Variants in POLDIP3 observed in about 807,000 individuals in gnomAD.
The protein encoded by POLDIP3 is polymerase delta-interacting protein 3.
Under a neutral mutation model 45.1 loss-of-function variants are expected in POLDIP3, and 14 were observed. The ratio of observed to expected loss-of-function variants is 0.31; its 90% CI spans 0.20 to 0.49. POLDIP3 has a LOEUF of 0.49. Among genes scored for constraint, POLDIP3 ranks in the 20% least tolerant of loss-of-function variants. POLDIP3 has a pLI of 0.99. For synonymous variants in POLDIP3, 223 were observed against 205.2 expected, an observed-to-expected ratio of 1.09 and a Z score of -0.74; for missense variants, 511 against 538.8, an observed-to-expected ratio of 0.95 and a Z score of 0.51.
At chr22:42,586,645 G>C (rs1925332313) in intron 8 of POLDIP3, among the ~76,000 whole-genome samples, 1 of 152,196 alleles carries the variant, frequency 6.6e-6, no homozygotes, top group Non-Finnish European at 1.5e-5. Context: ...AAAACCCTAA[G>C]AAATATTTCT....
intron 8 of POLDIP3, among the ~76,000 whole-genome samples, chr22:42,587,211 T>C (rs76940643): frequency 0.069 from 10,497 of 152,260 alleles, 495 homozygotes; most frequent in Non-Finnish European, 0.1. Flanking sequence ...CCCGGGATGA[T>C]GCACACAGCT....
intron 6 of POLDIP3, among the ~76,000 whole-genome samples, chr22:42,593,845 C>G (rs1022156993): frequency 2.0e-5 from 3 of 152,144 alleles, no homozygotes; most frequent in East Asian, 1.9e-4. Flanking sequence ...AATGACTTGT[C>G]AAGTATTACA....
At position 42,585,002 on chromosome 22, in the gene POLDIP3, G is replaced by A. The variant is rs769018751; in HGVS notation, c.*789C>T. On this transcript the variant is annotated 3_prime_UTR_variant, in exon 9 of 9. Transcript: ENST00000252115. ...GGTGTGGTTAAGTGCCAGGCGAGGT[G>A]AGAACCGGGAGGGCTCACAACACAG... is the stretch of plus-strand genomic sequence containing the variant. The A allele has an allele frequency of 2.2e-6, 1 of 456,358 alleles. No homozygotes were observed. Among genetic ancestry groups the A allele is most frequent in the Non-Finnish European group, 4.4e-6 (1 of 226,974 alleles). 28.3% of individuals were successfully genotyped at this position (456,358 alleles called of 1,614,324 possible). A position where few individuals can be genotyped will look rare whatever the true frequency, so the allele number is the denominator to read the frequency against.
rs776692366 is a variant in POLDIP3 at position 42,585,756 on chromosome 22, C to T, written c.*35G>A. On this transcript the variant is annotated 3_prime_UTR_variant, in exon 9 of 9. Transcript: ENST00000252115. ...GCCTTGGGGAAACAGAGCCACCCTC[C>T]TCTGCCCCCACTTCTGGCTGCCTCA... 2.5e-6 allele frequency: 4 copies of T among 1,595,710 alleles called. No individual in the cohort carries two copies. In the South Asian group the frequency reaches 3.4e-5, roughly 14 times the overall value.
At chr22:42,597,502 A>G (rs1029289826) in intron 4 of POLDIP3, among the ~76,000 whole-genome samples, 9 of 152,160 alleles carry the variant, frequency 5.9e-5, no homozygotes, top group African/African-American at 2.2e-4. Flanking sequence ...TCCTAGATCC[A>G]CTGCTTCTCA....
chr22:42,613,750 C>T (rs1185466314), intron 1 of POLDIP3, among the ~76,000 whole-genome samples: 1 of 152,042 alleles, frequency 6.6e-6, no homozygotes, highest in African/African-American at 2.4e-5. Flanking sequence ...GACAGAGCAA[C>T]ACCCCGTCTC....
At chr22:42,606,319 G>A (rs892341872) in intron 1 of POLDIP3, among the ~76,000 whole-genome samples, 1 of 151,176 alleles carries the variant, frequency 6.6e-6, no homozygotes, top group African/African-American at 2.4e-5. Flanking sequence ...CCAGGAGATC[G>A]AGAACAGCAC....
chr22:42,612,388 G>A (rs1927179014), intron 1 of POLDIP3, among the ~76,000 whole-genome samples: 1 of 152,262 alleles, frequency 6.6e-6, no homozygotes, highest in Non-Finnish European at 1.5e-5. Flanking sequence ...AGTGGGAGAA[G>A]CAGGGATTGG....
At chr22:42,598,973 A>C (rs1158482631) in intron 4 of POLDIP3, among the ~76,000 whole-genome samples, 1 of 152,240 alleles carries the variant, frequency 6.6e-6, no homozygotes, top group African/African-American at 2.4e-5. Context: ...GGTAGAGCCC[A>C]CAGATCAGGT....
At chr22:42,613,568 TGACC>T (rs951699067) in intron 1 of POLDIP3, among the ~76,000 whole-genome samples, 3 of 152,164 alleles carry the variant, frequency 2.0e-5, no homozygotes, top group Non-Finnish European at 2.9e-5. Flanking sequence ...GAAACCAGCC[TGACC>T]AACACAGTGA....
intron 1 of POLDIP3, among the ~76,000 whole-genome samples, chr22:42,607,478 C>T (rs994828234): frequency 2.6e-5 from 4 of 152,374 alleles, no homozygotes; most frequent in African/African-American, 9.6e-5. Flanking sequence ...CTCCCAGCCG[C>T]CTGCCTTGGC....
intron 1 of POLDIP3, among the ~76,000 whole-genome samples, chr22:42,612,693 T>C (rs1327085086): frequency 6.6e-6 from 1 of 151,922 alleles, no homozygotes; most frequent in East Asian, 1.9e-4. Flanking sequence ...AGTCGTGGTG[T>C]CGGGCACCTG....
At chr22:42,606,318 C>T (rs1052467307) in intron 1 of POLDIP3, among the ~76,000 whole-genome samples, 20 of 151,382 alleles carry the variant, frequency 1.3e-4, no homozygotes, top group Non-Finnish European at 2.8e-4. Flanking sequence ...CCCAGGAGAT[C>T]GAGAACAGCA....
In POLDIP3 at chr22:42,592,091, A is replaced by G. The variant is rs1360030831; in HGVS notation, c.892-7T>C. ...CACACACACAGAAAAGCTCCTGCAC[A>G]CAACAAGAGGGGTTGGGATTGGGGA... On this transcript the variant is annotated splice_region_variant and splice_polypyrimidine_tract_variant and intron_variant, in intron 6 of 8. Coordinates refer to ENST00000252115, the MANE Select transcript of POLDIP3 (RefSeq NM_032311.5). 1 of 1,614,084 alleles carries G rather than the reference A, an allele frequency of 6.2e-7. No individual in the cohort carries two copies. Among genetic ancestry groups the G allele is most frequent in the South Asian group, 1.1e-5 (1 of 91,082 alleles).
At chr22:42,586,071 G>A (rs996735599) in intron 8 of POLDIP3, 103 bp from the exon 9 acceptor site, 5 of 1,103,846 alleles carry the variant, frequency 4.5e-6, no homozygotes, top group Non-Finnish European at 5.1e-6. Flanking sequence ...GGCACTGGGT[G>A]TAACACTTTC....
chr22:42,598,376 G>A (rs1828525504), intron 4 of POLDIP3, among the ~76,000 whole-genome samples: 3 of 151,122 alleles, frequency 2.0e-5, no homozygotes, highest in African/African-American at 7.3e-5. Flanking sequence ...TCAGCCTCTA[G>A]AGTAGCTGGG....
rs150368469 is a variant in POLDIP3, at chr22:42,604,554, A to C, written c.60-1394T>G. On this transcript the variant is annotated intron_variant, in intron 1 of 8. Coordinates refer to ENST00000252115, the MANE Select transcript of POLDIP3 (RefSeq NM_032311.5). ...CTCTGCTGCATAAACGAGTTCCTGT[A>C]TTGCCTCCCACTTCACTGCCTGGAC... Among the ~76,000 whole-genome samples, 1,058 of 152,208 alleles carry C rather than the reference A, an allele frequency of 7.0e-3. 13 individuals are homozygous for C. The highest frequency in any genetic ancestry group is 0.025 in the African/African-American group (1,022 of 41,512).
chr22:42,606,658 C>A (rs1236590102), intron 1 of POLDIP3, among the ~76,000 whole-genome samples: 12 of 152,194 alleles, frequency 7.9e-5, no homozygotes, highest in Non-Finnish European at 1.5e-5. Context: ...AGGACAGAAT[C>A]TCATTCTGCT....
chr22:42,607,758 C>T (rs145576157), intron 1 of POLDIP3, among the ~76,000 whole-genome samples: 10 of 151,100 alleles, frequency 6.6e-5, no homozygotes, highest in East Asian at 5.9e-4. Flanking sequence ...TGCCCGGCCG[C>T]GACCCCATCT....
Sources: allele counts gnomAD v4.1 joint callset (sites outside exome capture counted in the v4.1 genomes callset), GRCh38; gene constraint gnomAD v4.1.1; transcripts MANE v1.5; gene names NCBI Gene and HGNC (gene_info 2026-07-23, HGNC 2026-07-21).